Variants in MMP26 observed in about 807,000 individuals in gnomAD.
MMP26 encodes matrix metallopeptidase 26.
Under a neutral mutation model 31.0 loss-of-function variants are expected in MMP26, and 33 were observed. The ratio of observed to expected loss-of-function variants is 1.06; its 90% CI spans 0.81 to 1.42. MMP26 has a LOEUF of 1.42. Ranked by LOEUF, MMP26 falls within the 40% of genes most tolerant of loss-of-function variation. The probability of loss-of-function intolerance (pLI) is 0.00; values close to 1 mark genes in which losing one functional copy is unlikely to be tolerated. For synonymous variants in MMP26, 122 were observed against 114.9 expected, an observed-to-expected ratio of 1.06 and a Z score of -0.40; for missense variants, 347 against 316.1, an observed-to-expected ratio of 1.10 and a Z score of -0.74.
Position 4,867,387 on chromosome 11 carries a change from CTTTTTTTTTTT to C in MMP26, c.-145+100059_-145+100069del, listed in dbSNP as rs3065176. Among the ~76,000 whole-genome samples, 5 of 98,278 alleles carry C rather than the reference CTTTTTTTTTTT, an allele frequency of 5.1e-5. No homozygotes were observed. The East Asian group carries it at 9.6e-4, about 19-fold the overall frequency. 64.5% of individuals were successfully genotyped at this position (98,278 alleles called of 152,430 possible). A position where few individuals can be genotyped will look rare whatever the true frequency, so the allele number is the denominator to read the frequency against. The stretch of plus-strand genomic sequence containing the variant: ...TACAAAACCACAATGAGATGCTGTC[CTTTTTTTTTTT>C]TTTTTTTTTTTTGATGGAGTCTCTC... On this transcript the variant is annotated intron_variant, in intron 2 of 7. Coordinates refer to ENST00000380390, the MANE Select transcript of MMP26 (RefSeq NM_021801.5).
At chr11:4,849,958 G>T (rs1242754683) in intron 2 of MMP26, among the ~76,000 whole-genome samples, 1 of 152,040 alleles carries the variant, frequency 6.6e-6, no homozygotes, top group Admixed American at 6.6e-5. Context: ...GACATCCATC[G>T]CCTTGAGTAA....
At chr11:4,915,018 A>T (rs776929045) in intron 2 of MMP26, 2 of 1,613,974 alleles carry the variant, frequency 1.2e-6, no homozygotes, top group Admixed American at 1.7e-5. Flanking sequence ...ATGAGCAGTG[A>T]GTCTATACCC....
At chr11:4,774,408 G>T (rs1188154593) in intron 2 of MMP26, among the ~76,000 whole-genome samples, 4 of 151,992 alleles carry the variant, frequency 2.6e-5, no homozygotes, top group Non-Finnish European at 5.9e-5. Flanking sequence ...TATGTTTGTT[G>T]GCTGCATGAA....
intron 2 of MMP26, chr11:4,849,314 C>T: frequency 8.1e-7 from 1 of 1,233,280 alleles, no homozygotes; most frequent in Non-Finnish European, 1.1e-6. Flanking sequence ...CCTGCATCTT[C>T]CCTTCCCTGA....
At chr11:4,785,562 A>G (rs147334509) in intron 2 of MMP26, among the ~76,000 whole-genome samples, 2 of 152,220 alleles carry the variant, frequency 1.3e-5, no homozygotes, top group East Asian at 3.9e-4. Flanking sequence ...AATTGACTTT[A>G]CTTACATGAC....
intron 2 of MMP26, among the ~76,000 whole-genome samples, chr11:4,899,345 AG>A (rs1270017269): frequency 2.0e-5 from 3 of 152,176 alleles, no homozygotes; most frequent in Non-Finnish European, 4.4e-5. Context: ...GATCATGAAA[AG>A]TTTGTGAACG....
chr11:4,743,659 G>A (rs1490850968), intron 1 of MMP26, among the ~76,000 whole-genome samples: 1 of 152,098 alleles, frequency 6.6e-6, no homozygotes, highest in African/African-American at 2.4e-5. Context: ...GTAATATTTG[G>A]ACAAATTACT....
At chr11:4,898,811 C>CTT (rs1681747190) in intron 2 of MMP26, among the ~76,000 whole-genome samples, 1 of 123,674 alleles carries the variant, frequency 8.1e-6, no homozygotes, top group Non-Finnish European at 1.7e-5. Flanking sequence ...TTTAAGAAAT[C>CTT]TCTCTCTCTC....
chr11:4,833,529 T>C (rs946248955), intron 2 of MMP26, among the ~76,000 whole-genome samples: 1 of 152,224 alleles, frequency 6.6e-6, no homozygotes, highest in African/African-American at 2.4e-5. Context: ...TCTAAGTATG[T>C]TCTTTACTTT....
intron 2 of MMP26, chr11:4,877,347 T>C (rs1466029316): frequency 6.6e-6 from 1 of 152,240 alleles, no homozygotes; most frequent in Non-Finnish European, 1.5e-5. Flanking sequence ...CCCTAATTCA[T>C]CGCTATGGGA....
At position 4,986,912 on chromosome 11, in the gene MMP26, TCTCTCTCTCTCTCTCTCTCC is replaced by T. The variant is rs1846900240; in HGVS notation, c.-144-1136_-144-1117del. ...CTTCCTTCCTTCCTTCCTTTCTCTC[TCTCTCTCTCTCTCTCTCTCC>T]CTCTCTCTCTCTCTCTCTCTCTCTC... On this transcript the variant is annotated intron_variant, in intron 2 of 7. Transcript: ENST00000380390. 2.8e-3 allele frequency among the ~76,000 whole-genome samples: 283 copies of T among 100,300 alleles called. 9 individuals carry two copies. The highest frequency in any genetic ancestry group is 8.9e-3 in the South Asian group (21 of 2,350). The allele number at this position is 100,300 out of a possible 152,430, so 65.8% of individuals were successfully genotyped here. A position where few individuals can be genotyped will look rare whatever the true frequency, so the allele number is the denominator to read the frequency against.
intron 2 of MMP26, among the ~76,000 whole-genome samples, chr11:4,935,977 G>A (rs1851434284): frequency 8.8e-6 from 1 of 113,528 alleles, no homozygotes; most frequent in Non-Finnish European, 1.8e-5. Flanking sequence ...GATTCGGTTT[G>A]CCAGTATTTT....
intron 2 of MMP26, among the ~76,000 whole-genome samples, chr11:4,854,929 GC>G (rs1564794468): frequency 6.6e-6 from 1 of 152,176 alleles, no homozygotes; most frequent in East Asian, 1.9e-4. Flanking sequence ...TGCAGCCTCC[GC>G]TGGTGATACC....
chr11:4,986,932 C>CTCTCTCTCTCTCCCTCTCTCTCT (rs1564819722), intron 2 of MMP26, among the ~76,000 whole-genome samples: 3 of 60,448 alleles, frequency 5.0e-5, no homozygotes, highest in Non-Finnish European at 6.3e-5. Context: ...TCTCTCTCTC[C>CTCTCTCTCTCTCCCTCTCTCTCT]CTCTCTCTCT....
chr11:4,780,656 G>A (rs1369223154), intron 2 of MMP26, among the ~76,000 whole-genome samples: 1 of 151,998 alleles, frequency 6.6e-6, no homozygotes, highest in African/African-American at 2.4e-5. Context: ...CAGTTCAGCA[G>A]GTTCTTATAA....
chr11:4,772,783 C>T (rs576436205), intron 2 of MMP26, among the ~76,000 whole-genome samples: 1 of 152,240 alleles, frequency 6.6e-6, no homozygotes, highest in Non-Finnish European at 1.5e-5. Flanking sequence ...TTTGTTTCTC[C>T]TTTATAGAGA....
At chr11:4,751,034 A>G (rs564433980) in intron 1 of MMP26, among the ~76,000 whole-genome samples, 1 of 152,240 alleles carries the variant, frequency 6.6e-6, no homozygotes, top group Admixed American at 6.5e-5. Context: ...GAAAGTTAGA[A>G]CTATGATCAA....
chr11:4,747,338 C>A (rs750330248), intron 1 of MMP26, among the ~76,000 whole-genome samples: 3 of 152,070 alleles, frequency 2.0e-5, no homozygotes, highest in Non-Finnish European at 2.9e-5. Flanking sequence ...TGGTTTTATG[C>A]AGTATTTAAA....
At chr11:4,793,038 C>G (rs991251691) in intron 2 of MMP26, among the ~76,000 whole-genome samples, 2 of 152,180 alleles carry the variant, frequency 1.3e-5, no homozygotes, top group Non-Finnish European at 2.9e-5. Context: ...AGTGACCTAT[C>G]TTACTGATAA....
Sources: allele counts gnomAD v4.1 joint callset (sites outside exome capture counted in the v4.1 genomes callset), GRCh38; gene constraint gnomAD v4.1.1; transcripts MANE v1.5; gene names NCBI Gene and HGNC (gene_info 2026-07-23, HGNC 2026-07-21).